SMYD3: variants seen among roughly 807,000 people sequenced by gnomAD.
The protein encoded by SMYD3 is histone-lysine N-methyltransferase SMYD3.
Under a neutral mutation model 57.7 loss-of-function variants are expected in SMYD3, and 36 were observed. The observed-to-expected ratio is 0.62, with a 90% CI of 0.48 to 0.82. SMYD3 has a LOEUF of 0.82. Ranked by LOEUF, SMYD3 falls within the 40% of genes least tolerant of loss-of-function variation. SMYD3 has a pLI of 0.00. For synonymous variants in SMYD3, 211 were observed against 195.0 expected, an observed-to-expected ratio of 1.08 and a Z score of -0.68; for missense variants, 515 against 538.8, an observed-to-expected ratio of 0.96 and a Z score of 0.44.
intron 11 of SMYD3, among the ~76,000 whole-genome samples, chr1:245,753,003 T>C (rs2791366): frequency 0.42 from 63,418 of 152,038 alleles, 14,215 homozygotes; most frequent in African/African-American, 0.57. Flanking sequence ...GAGGCTCTCC[T>C]GGACATGGCT....
intron 5 of SMYD3, among the ~76,000 whole-genome samples, chr1:246,270,050 T>C (rs1044412700): frequency 2.6e-5 from 4 of 152,200 alleles, no homozygotes; most frequent in African/African-American, 9.6e-5. Context: ...TAAGTCTTGG[T>C]TGAATAAATT....
intron 1 of SMYD3, among the ~76,000 whole-genome samples, chr1:246,479,086 A>T (rs2068068687): frequency 6.6e-6 from 1 of 151,408 alleles, no homozygotes; most frequent in African/African-American, 2.4e-5. Context: ...TGGAGCTGGT[A>T]CATAAGTGCT....
chr1:246,178,585 T>A (rs183566622), intron 5 of SMYD3, among the ~76,000 whole-genome samples: 2 of 152,180 alleles, frequency 1.3e-5, no homozygotes, highest in Non-Finnish European at 2.9e-5. Flanking sequence ...GACAAGTGCA[T>A]GCATGGCTAC....
At chr1:245,892,450 G>C (rs768954879) in intron 8 of SMYD3, among the ~76,000 whole-genome samples, 60 of 152,196 alleles carry the variant, frequency 3.9e-4, no homozygotes, top group Admixed American at 1.7e-3. Flanking sequence ...GTAACTTGCT[G>C]ATGTCAAAGG....
At chr1:246,427,514 C>A (rs993974426) in intron 1 of SMYD3, among the ~76,000 whole-genome samples, 1 of 98,336 alleles carries the variant, frequency 1.0e-5, no homozygotes, top group Admixed American at 1.2e-4. Context: ...AGCGAGACTC[C>A]GTCTCAAAAA....
intron 5 of SMYD3, among the ~76,000 whole-genome samples, chr1:246,180,185 A>G (rs926007915): frequency 6.7e-6 from 1 of 148,152 alleles, no homozygotes; most frequent in African/African-American, 2.5e-5. Context: ...ATATCTACAT[A>G]TAGTAGAAAA....
intron 10 of SMYD3, among the ~76,000 whole-genome samples, chr1:245,853,733 A>C (rs1300097050): frequency 6.6e-6 from 1 of 152,156 alleles, no homozygotes; most frequent in Non-Finnish European, 1.5e-5. Flanking sequence ...AGAAAAAAAA[A>C]ATCCCCCGCA....
intron 3 of SMYD3, 82 bp downstream of exon 3, chr1:246,335,285 A>AT (rs2148672312): frequency 7.5e-6 from 9 of 1,194,736 alleles, no homozygotes; most frequent in Non-Finnish European, 1.1e-5. Context: ...AACCTGCAAC[A>AT]TCTCTGAGGT....
intron 5 of SMYD3, among the ~76,000 whole-genome samples, chr1:245,967,396 C>T (rs941429047): frequency 1.3e-5 from 2 of 152,150 alleles, no homozygotes; most frequent in Admixed American, 6.5e-5. Flanking sequence ...ACATGTAGAC[C>T]TTCCTATCAA....
intron 5 of SMYD3, among the ~76,000 whole-genome samples, chr1:245,948,540 G>A (rs1033748897): frequency 4.0e-4 from 61 of 152,164 alleles, no homozygotes; most frequent in African/African-American, 1.4e-3. Flanking sequence ...CTGCTCCAGG[G>A]AGGGAGCTTG....
chr1:246,079,580 A>C (rs2060604743), intron 5 of SMYD3, among the ~76,000 whole-genome samples: 1 of 152,212 alleles, frequency 6.6e-6, no homozygotes, highest in Non-Finnish European at 1.5e-5. Flanking sequence ...GGGAAACAAA[A>C]ACTGCGCCTT....
intron 5 of SMYD3, among the ~76,000 whole-genome samples, chr1:246,101,063 GGTTTTTTGTTTTTTTTTTTTT>G (rs2061001640): frequency 2.2e-5 from 2 of 93,006 alleles, no homozygotes; most frequent in African/African-American, 3.2e-5. Flanking sequence ...TATTTTTAGG[GGTTTTTTGTTTTTTTTTTTTT>G]TTTTTTTTTT....
At chr1:245,828,644 A>C (rs947046000) in intron 10 of SMYD3, among the ~76,000 whole-genome samples, 16 of 152,128 alleles carry the variant, frequency 1.1e-4, no homozygotes, top group Non-Finnish European at 2.2e-4. Flanking sequence ...AAATCTTTGG[A>C]GAAAACCTGA....
intron 8 of SMYD3, among the ~76,000 whole-genome samples, chr1:245,869,367 T>A (rs1397959926): frequency 1.3e-5 from 2 of 152,206 alleles, no homozygotes; most frequent in Non-Finnish European, 2.9e-5. Flanking sequence ...ACCCACTGCA[T>A]GACCCCGGGC....
At chr1:246,113,891 A>T (rs1473701502) in intron 5 of SMYD3, 5 of 152,202 alleles carry the variant, frequency 3.3e-5, no homozygotes, top group Non-Finnish European at 7.3e-5. Flanking sequence ...TCTTCTGCAG[A>T]CTTCCCATTC....
intron 5 of SMYD3, among the ~76,000 whole-genome samples, chr1:246,032,204 CCA>C (rs1168424033): frequency 1.3e-5 from 2 of 152,118 alleles, no homozygotes; most frequent in African/African-American, 4.8e-5. Context: ...CAGTCTTTTC[CCA>C]CAGGACATCT....
chr1:246,166,322 G>C (rs2062210164), intron 5 of SMYD3, among the ~76,000 whole-genome samples: 1 of 152,104 alleles, frequency 6.6e-6, no homozygotes, highest in Admixed American at 6.6e-5. Flanking sequence ...TTTGTATAGG[G>C]TTCTTTCAGA....
intron 5 of SMYD3, among the ~76,000 whole-genome samples, chr1:246,088,527 G>A (rs962887218): frequency 1.5e-5 from 2 of 133,616 alleles, no homozygotes; most frequent in East Asian, 2.3e-4. Flanking sequence ...GGAGAATGGC[G>A]TGAACCCAGG....
chr1:246,105,768 A>G (rs1253282507), intron 5 of SMYD3, among the ~76,000 whole-genome samples: 1 of 152,204 alleles, frequency 6.6e-6, no homozygotes, highest in Non-Finnish European at 1.5e-5. Flanking sequence ...TGCCAGGTGG[A>G]AAGTAATGGG....
Sources: allele counts gnomAD v4.1 joint callset (sites outside exome capture counted in the v4.1 genomes callset), GRCh38; gene constraint gnomAD v4.1.1; transcripts MANE v1.5; gene names NCBI Gene and HGNC (gene_info 2026-07-23, HGNC 2026-07-21).